The following CDH18 variants were observed in gnomAD, a reference collection of about 807,000 sequenced individuals.
CDH18 encodes the protein cadherin 18.
Under a neutral mutation model 67.9 loss-of-function variants are expected in CDH18, and 31 were observed. The ratio of observed to expected loss-of-function variants is 0.46; its 90% CI spans 0.34 to 0.62. CDH18 has a LOEUF of 0.62. Ranked by LOEUF, CDH18 falls within the 20% of genes least tolerant of loss-of-function variation. The pLI is 0.01. For synonymous variants in CDH18, 362 were observed against 347.2 expected (o/e 1.04, Z -0.48); for missense variants, 890 against 975.5 (o/e 0.91, Z 1.17).
At chr5:20,271,375 T>G (rs1392675315) in intron 1 of CDH18, among the ~76,000 whole-genome samples, 1 of 152,042 alleles carries the variant, frequency 6.6e-6, no homozygotes, top group South Asian at 2.1e-4. Flanking sequence ...AGGGTGACTA[T>G]AGTCAACCAT....
chr5:20,431,248 T>C (rs1212224548), intron 1 of CDH18, among the ~76,000 whole-genome samples: 1 of 151,964 alleles, frequency 6.6e-6, no homozygotes, highest in Non-Finnish European at 1.5e-5. Context: ...CCCAGCACTT[T>C]GGGAGGCCAT....
At chr5:19,573,340 G>C (rs977541046) in intron 7 of CDH18, among the ~76,000 whole-genome samples, 3 of 150,326 alleles carry the variant, frequency 2.0e-5, no homozygotes, top group Admixed American at 6.6e-5. Flanking sequence ...GTGCAGTGGT[G>C]AGATCTCGGC....
chr5:19,960,903 CAT>C (rs1445002672), intron 2 of CDH18, among the ~76,000 whole-genome samples: 1 of 150,224 alleles, frequency 6.7e-6, no homozygotes, highest in Non-Finnish European at 1.5e-5. Flanking sequence ...AACCCAATAA[CAT>C]AGTCATTTAT....
chr5:19,668,552 G>A (rs1758293880), intron 5 of CDH18, among the ~76,000 whole-genome samples: 1 of 151,998 alleles, frequency 6.6e-6, no homozygotes, highest in Non-Finnish European at 1.5e-5. Flanking sequence ...TATCAAGTCA[G>A]TATCATATAA....
intron 2 of CDH18, among the ~76,000 whole-genome samples, chr5:19,869,571 A>G (rs538949209): frequency 6.6e-6 from 1 of 152,264 alleles, no homozygotes; most frequent in South Asian, 2.1e-4. Context: ...TTGAATAATA[A>G]TTCTACACAA....
At chr5:19,885,728 AT>A (rs1788121691) in intron 2 of CDH18, among the ~76,000 whole-genome samples, 1 of 152,176 alleles carries the variant, frequency 6.6e-6, no homozygotes, top group Admixed American at 6.6e-5. Flanking sequence ...CACTCAGCTA[AT>A]CTTTATTTGC....
At chr5:20,515,787 A>T (rs532144331) in intron 1 of CDH18, among the ~76,000 whole-genome samples, 1 of 152,184 alleles carries the variant, frequency 6.6e-6, no homozygotes, top group African/African-American at 2.4e-5. Context: ...CTGTCTTAGA[A>T]ACCGATGCCA....
intron 2 of CDH18, among the ~76,000 whole-genome samples, chr5:19,916,985 A>G (rs1179108058): frequency 1.3e-5 from 2 of 151,926 alleles, no homozygotes; most frequent in East Asian, 1.9e-4. Context: ...TGACACATTA[A>G]AAACTGGTGC....
At chr5:20,224,414 T>C (rs1239380963) in intron 2 of CDH18, among the ~76,000 whole-genome samples, 1 of 152,124 alleles carries the variant, frequency 6.6e-6, no homozygotes, top group Non-Finnish European at 1.5e-5. Context: ...ATTGATTTTA[T>C]AATTTTAGAT....
rs191566271 is a variant in CDH18, at chr5:19,777,303, T to C, written c.229-30067A>G. ...CTCAAAAATAAAAGAAAAAAGAAAA[T>C]GCAAATACAAAGCAAAGACAAGTTT... On this transcript the variant is annotated intron_variant, in intron 3 of 12. Coordinates refer to ENST00000382275, the MANE Select transcript of CDH18 (RefSeq NM_004934.5). 3.3e-5 allele frequency among the ~76,000 whole-genome samples: 5 copies of C among 152,122 alleles called. No homozygotes were observed. In the East Asian group the frequency reaches 9.7e-4, roughly 29 times the overall value.
chr5:20,557,993 C>T lies in CDH18; in HGVS notation c.-580+17469G>A, dbSNP rs1369023051. ...AACATTAAATGTTATAGTTATATAA[C>T]ATTAAATGTTATAGTTATATAACAT... On this transcript the variant is annotated intron_variant, in intron 1 of 14. Coordinates refer to the CDH18 transcript ENST00000507958. Among the ~76,000 whole-genome samples, 17 of 133,146 alleles carry T rather than the reference C, an allele frequency of 1.3e-4. 2 individuals are homozygous for T. Among genetic ancestry groups the T allele is most frequent in the Non-Finnish European group, 3.2e-5 (2 of 62,232 alleles). The allele number at this position is 133,146 out of a possible 152,430, so 87.3% of individuals were successfully genotyped here.
intron 2 of CDH18, among the ~76,000 whole-genome samples, chr5:20,217,413 T>C (rs929101830): frequency 1.3e-5 from 2 of 151,824 alleles, no homozygotes; most frequent in Non-Finnish European, 2.9e-5. Context: ...AGTTGTCTCC[T>C]TGTTTGTTTG....
chr5:20,558,965 C>A (rs1651456), intron 1 of CDH18, among the ~76,000 whole-genome samples: 104,539 of 150,586 alleles, frequency 0.69, 36,629 homozygotes, highest in East Asian at 0.98. Flanking sequence ...AGGAAACCTC[C>A]ATTGTCATCT....
At chr5:19,567,738 T>C (rs1168686851) in intron 8 of CDH18, among the ~76,000 whole-genome samples, 2 of 152,200 alleles carry the variant, frequency 1.3e-5, no homozygotes, top group African/African-American at 4.8e-5. Flanking sequence ...TTTAGTTCTC[T>C]AACCAAAACA....
intron 12 of CDH18, among the ~76,000 whole-genome samples, chr5:19,481,155 T>C (rs1739353620): frequency 6.6e-6 from 1 of 152,202 alleles, no homozygotes; most frequent in East Asian, 1.9e-4. Flanking sequence ...TGTCCTCTGC[T>C]ATCTCATCCT....
chr5:19,681,640 T>C (rs1760341092), intron 5 of CDH18, among the ~76,000 whole-genome samples: 1 of 151,938 alleles, frequency 6.6e-6, no homozygotes, highest in African/African-American at 2.4e-5. Context: ...AGAACCAAAA[T>C]GACCCCTTGA....
At chr5:19,765,423 G>A (rs62353615) in intron 3 of CDH18, among the ~76,000 whole-genome samples, 9,485 of 150,706 alleles carry the variant, frequency 0.063, 345 homozygotes, top group Non-Finnish European at 0.081. Context: ...AAAGCTAAAA[G>A]TTATTCAAAA....
chr5:20,241,836 A>T (rs1163983605), intron 2 of CDH18, among the ~76,000 whole-genome samples: 1 of 141,802 alleles, frequency 7.1e-6, no homozygotes, highest in African/African-American at 2.7e-5. Flanking sequence ...TGGGCGACAG[A>T]GGGAGACCCT....
chr5:19,734,235 T>C (rs1049977331), intron 4 of CDH18, among the ~76,000 whole-genome samples: 1 of 152,176 alleles, frequency 6.6e-6, no homozygotes, highest in Non-Finnish European at 1.5e-5. Context: ...AAAAACTGAG[T>C]TGATGTTTTC....
Sources: gnomAD v4.1 joint callset for allele counts (sites outside exome capture counted in the v4.1 genomes callset) on GRCh38, gnomAD v4.1.1 for gene constraint, MANE v1.5 for transcripts, NCBI Gene and HGNC (gene_info 2026-07-23, HGNC 2026-07-21) for gene names.